The following FHIT variants were observed in gnomAD, a reference collection of about 807,000 sequenced individuals.
FHIT encodes the protein fragile histidine triad diadenosine triphosphatase.
In FHIT, 19 loss-of-function variants were observed where a neutral mutation model predicts 17.9. The observed-to-expected ratio is 1.06, with a 90% confidence interval of 0.74 to 1.56. The LOEUF is 1.56. Among genes scored for constraint, FHIT ranks in the 40% most tolerant of loss-of-function variants. The pLI, the probability that FHIT is intolerant of heterozygous loss-of-function variation, is 0.00. For missense variants in FHIT, 248 were observed against 189.2 expected (o/e 1.31, Z -1.82); for synonymous variants, 81 against 69.7 (o/e 1.16, Z -0.81).
intron 4 of FHIT, among the ~76,000 whole-genome samples, chr3:60,540,655 G>A (rs1331350414): frequency 6.6e-6 from 1 of 152,176 alleles, no homozygotes. Context: ...AACATGTTGA[G>A]TGTATTTTTT....
chr3:60,874,083 A>C (rs954933818), intron 3 of FHIT, among the ~76,000 whole-genome samples: 21 of 152,208 alleles, frequency 1.4e-4, no homozygotes, highest in African/African-American at 5.1e-4. Context: ...GCACACCCCT[A>C]CTTATGAGTT....
intron 5 of FHIT, among the ~76,000 whole-genome samples, chr3:60,142,960 G>A (rs577580760): frequency 6.6e-6 from 1 of 152,264 alleles, no homozygotes; most frequent in South Asian, 2.1e-4. Context: ...TCAGGAACAA[G>A]ACAAAGGATA....
At chr3:60,533,068 A>C (rs1355456591) in intron 5 of FHIT, among the ~76,000 whole-genome samples, 1 of 152,202 alleles carries the variant, frequency 6.6e-6, no homozygotes, top group Non-Finnish European at 1.5e-5. Flanking sequence ...TTAACATGTA[A>C]AGAAATGGCA....
At chr3:61,191,087 A>T (rs527988565) in intron 2 of FHIT, among the ~76,000 whole-genome samples, 50 of 152,276 alleles carry the variant, frequency 3.3e-4, no homozygotes, top group South Asian at 8.3e-4. Context: ...ATAATAAAAA[A>T]AAAATAAAAT....
chr3:59,747,448 G>A lies in FHIT; in HGVS notation c.*2137C>T, dbSNP rs186026849. On this transcript the variant is annotated 3_prime_UTR_variant, in exon 10 of 10. Transcript: ENST00000492590. ...CAGCATGGGAAAGACCCTCCCCCTT[G>A]ATTCAGTTACCTCCCACTGGGTCCC... 6.6e-6 allele frequency among the ~76,000 whole-genome samples: 1 copy of A among 152,194 alleles called. No individual in the cohort carries two copies.
chr3:61,241,241 C>T (rs1445732211), intron 1 of FHIT, among the ~76,000 whole-genome samples: 1 of 152,156 alleles, frequency 6.6e-6, no homozygotes, highest in Non-Finnish European at 1.5e-5. Context: ...ATCGCTAGTG[C>T]TCCAGGACTG....
intron 5 of FHIT, among the ~76,000 whole-genome samples, chr3:60,441,056 G>A (rs569858561): frequency 6.6e-6 from 1 of 152,000 alleles, no homozygotes; most frequent in East Asian, 1.9e-4. Context: ...TTTTGCTTTT[G>A]TTCTTAGAAC....
chr3:60,960,931 C>A (rs1709400886), intron 3 of FHIT, among the ~76,000 whole-genome samples: 1 of 152,196 alleles, frequency 6.6e-6, no homozygotes, highest in Non-Finnish European at 1.5e-5. Context: ...GATTTATAAT[C>A]CTTTTGGTAA....
rs114714410 is a variant in FHIT, at chr3:59,902,794, T to A, written c.348+19552A>T. ...AATAGTAGTTACCAAGGGCCAGGCA[T>A]GGGGGAAATGGGAATAATCTGGTCA... On this transcript the variant is annotated intron_variant, in intron 8 of 9. Coordinates refer to ENST00000492590, the MANE Select transcript of FHIT (RefSeq NM_002012.4). Among the ~76,000 whole-genome samples the A allele has an allele frequency of 1.3e-3, 200 of 152,190 alleles. 1 individual carries two copies. Among genetic ancestry groups the A allele is most frequent in the African/African-American group, 4.8e-3 (198 of 41,538 alleles).
chr3:60,441,799 T>TTTATATATATAAAA (rs2030894880), intron 5 of FHIT, among the ~76,000 whole-genome samples: 2 of 118,650 alleles, frequency 1.7e-5, no homozygotes, highest in Non-Finnish European at 3.4e-5. Context: ...TATATATATA[T>TTTATATATATAAAA]ATATATATAT....
At chr3:60,189,316 C>A (rs1316685846) in intron 5 of FHIT, among the ~76,000 whole-genome samples, 1 of 152,074 alleles carries the variant, frequency 6.6e-6, no homozygotes, top group South Asian at 2.1e-4. Context: ...TATTATTCAT[C>A]CTATTTTAAA....
chr3:60,353,308 G>A (rs1048861308), intron 5 of FHIT, among the ~76,000 whole-genome samples: 1 of 152,038 alleles, frequency 6.6e-6, no homozygotes, highest in Admixed American at 6.6e-5. Context: ...AGATGCCCAG[G>A]CCTGGTTGGT....
chr3:60,843,570 T>A (rs1553745670), intron 3 of FHIT, among the ~76,000 whole-genome samples: 1 of 152,240 alleles, frequency 6.6e-6, no homozygotes, highest in African/African-American at 2.4e-5. Context: ...TTTGAAACTT[T>A]TGAGCATTTG....
intron 5 of FHIT, among the ~76,000 whole-genome samples, chr3:60,250,373 C>A (rs1283884585): frequency 6.6e-6 from 1 of 152,154 alleles, no homozygotes; most frequent in Non-Finnish European, 1.5e-5. Flanking sequence ...ACCTCATATA[C>A]TGACAATTCA....
intron 5 of FHIT, among the ~76,000 whole-genome samples, chr3:60,485,642 A>C (rs1017854773): frequency 1.3e-5 from 2 of 149,154 alleles, no homozygotes; most frequent in African/African-American, 4.9e-5. Context: ...ACACACACCA[A>C]GGCCTGTTGG....
chr3:59,776,970 C>T (rs1388154951), intron 8 of FHIT, among the ~76,000 whole-genome samples: 1 of 152,142 alleles, frequency 6.6e-6, no homozygotes, highest in African/African-American at 2.4e-5. Flanking sequence ...TCCCACCACA[C>T]ATGGAATAAA....
intron 5 of FHIT, among the ~76,000 whole-genome samples, chr3:60,155,324 C>T (rs1482794838): frequency 6.6e-6 from 1 of 152,120 alleles, no homozygotes. Flanking sequence ...ATTGCTCCAC[C>T]AGCAGGTTCA....
intron 4 of FHIT, among the ~76,000 whole-genome samples, chr3:60,539,146 G>C (rs1388072206): frequency 2.4e-4 from 37 of 152,200 alleles, no homozygotes; most frequent in Admixed American, 1.3e-3. Flanking sequence ...TGAACAGACA[G>C]TTCTCAAAAG....
chr3:61,215,048 A>T, intron 1 of FHIT, among the ~76,000 whole-genome samples: 1 of 151,672 alleles, frequency 6.6e-6, no homozygotes, highest in Non-Finnish European at 1.5e-5. Context: ...CACAGCCAAT[A>T]TCATACTGAA....
Sources: gnomAD v4.1 joint callset for allele counts (sites outside exome capture counted in the v4.1 genomes callset) on GRCh38, gnomAD v4.1.1 for gene constraint, MANE v1.5 for transcripts, NCBI Gene and HGNC (gene_info 2026-07-23, HGNC 2026-07-21) for gene names.